The following ARSF variants were observed in gnomAD, a reference collection of about 807,000 sequenced individuals.
ARSF encodes arylsulfatase F.
Under a neutral mutation model 35.4 loss-of-function variants are expected in ARSF, and 33 were observed. The observed-to-expected ratio is 0.93, with a 90% CI of 0.71 to 1.25. The LOEUF is 1.25. ARSF is among the 50% of genes most tolerant of loss of function. The pLI is 0.00. For missense variants in ARSF, 501 were observed against 480.2 expected, an observed-to-expected ratio of 1.04 and a Z score of -0.40; for synonymous variants, 222 against 193.1, an observed-to-expected ratio of 1.15 and a Z score of -1.24.
At chrX:3,089,751 C>G (rs2090275809) in intron 7 of ARSF, 119 bp downstream of exon 7, 3 of 798,374 alleles carry the variant, frequency 3.8e-6, no homozygotes, top group Non-Finnish European at 5.4e-6. Flanking sequence ...ACAGAGTGGT[C>G]TGAGACATTA....
intron 1 of ARSF, among the ~76,000 whole-genome samples, chrX:3,044,826 C>T (rs1271217411): frequency 9.1e-6 from 1 of 109,447 alleles, no homozygotes; most frequent in Non-Finnish European, 1.9e-5. Context: ...GGGGGCAGGG[C>T]AGGCCAAAAA....
intron 1 of ARSF, among the ~76,000 whole-genome samples, chrX:3,061,519 A>G (rs1412631292): frequency 9.0e-6 from 1 of 111,692 alleles, no homozygotes; most frequent in Non-Finnish European, 1.9e-5. Flanking sequence ...AATTGGATAG[A>G]GTCAAGACCC....
At chrX:3,074,935 A>C (rs73635396) in intron 3 of ARSF, among the ~76,000 whole-genome samples, 1 of 111,739 alleles carries the variant, frequency 8.9e-6, no homozygotes, top group African/African-American at 3.2e-5. Context: ...CATAAGTGAG[A>C]TCATGCGGTA....
chrX:3,097,898 C>T (rs1173775253), intron 7 of ARSF, among the ~76,000 whole-genome samples: 8 of 110,313 alleles, frequency 7.3e-5, no homozygotes, highest in Admixed American at 5.9e-4. Context: ...GGTGTGGTGG[C>T]GCATGCCTGC....
intron 1 of ARSF, among the ~76,000 whole-genome samples, chrX:3,067,153 T>C (rs992730737): frequency 8.4e-5 from 9 of 106,899 alleles, no homozygotes; most frequent in Middle Eastern, 4.7e-3. Context: ...TGTGTGTGAG[T>C]GTGCGTGCGT....
At chrX:3,109,822 T>C (rs997042493) in intron 9 of ARSF, among the ~76,000 whole-genome samples, 2 of 112,536 alleles carry the variant, frequency 1.8e-5, no homozygotes, top group Non-Finnish European at 3.7e-5. Context: ...ATTTATGAAA[T>C]TGCCATAAAT....
intron 6 of ARSF, among the ~76,000 whole-genome samples, chrX:3,085,360 AAT>A (rs1007489535): frequency 2.5e-4 from 26 of 103,460 alleles, no homozygotes; most frequent in African/African-American, 9.0e-4. Context: ...CATATAGATA[AAT>A]ATATATATAT....
At chrX:3,103,231 C>A (rs1054538149) in intron 8 of ARSF, among the ~76,000 whole-genome samples, 5 of 110,706 alleles carry the variant, frequency 4.5e-5, no homozygotes, top group African/African-American at 1.3e-4. Context: ...GAGGGAGGCA[C>A]AGCAGAAAAT....
intron 7 of ARSF, among the ~76,000 whole-genome samples, chrX:3,093,025 C>CCGGG (rs1569144579): frequency 9.9e-5 from 11 of 110,578 alleles, no homozygotes; most frequent in South Asian, 3.8e-4. Flanking sequence ...ACAAACACAT[C>CCGGG]CGTGGTGGCG....
intron 4 of ARSF, among the ~76,000 whole-genome samples, chrX:3,080,047 C>T (rs1250926115): frequency 2.8e-5 from 3 of 105,648 alleles, no homozygotes; most frequent in African/African-American, 1.0e-4. Context: ...GTAGTCTTCG[C>T]TTGTGGGTAC....
chrX:3,068,903 T>C (rs2090084404), intron 2 of ARSF, among the ~76,000 whole-genome samples: 1 of 112,339 alleles, frequency 8.9e-6, no homozygotes, highest in Non-Finnish European at 1.9e-5. Flanking sequence ...GCAAAAAAAT[T>C]GTACTCTTCT....
At position 3,089,689 on chromosome X, in the gene ARSF, C is replaced by T. The variant is rs2090275333; in HGVS notation, c.967+57C>T. ...AACGTGTTCTGATAGGACAGGACAC[C>T]TGAAAACTGCTCTTGGTCAACCTGT... On this transcript the variant is annotated intron_variant, in intron 7 of 10. Transcript: ENST00000381127. 3.5e-6 allele frequency: 4 copies of T among 1,157,011 alleles called. No homozygotes were observed. The Admixed American group carries it at 6.6e-5, about 19-fold the overall frequency.
At chrX:3,060,724 A>G (rs904845962) in intron 1 of ARSF, among the ~76,000 whole-genome samples, 1 of 111,817 alleles carries the variant, frequency 8.9e-6, no homozygotes, top group African/African-American at 3.2e-5. Flanking sequence ...GTGATTGAAG[A>G]TCAAATGAAT....
At chrX:3,091,535 G>T (rs1049699325) in intron 7 of ARSF, among the ~76,000 whole-genome samples, 3 of 112,756 alleles carry the variant, frequency 2.7e-5, no homozygotes, top group African/African-American at 9.7e-5. Flanking sequence ...CAGATATTGT[G>T]AAATATATGT....
chrX:3,047,988 C>A (rs2089982380), intron 1 of ARSF, among the ~76,000 whole-genome samples: 1 of 110,644 alleles, frequency 9.0e-6, no homozygotes. Flanking sequence ...AGAAAGAGAG[C>A]CAAGCGAAAG....
At chrX:3,053,871 C>T (rs2090006666) in intron 1 of ARSF, among the ~76,000 whole-genome samples, 1 of 106,020 alleles carries the variant, frequency 9.4e-6, no homozygotes, top group Admixed American at 1.0e-4. Context: ...AAGCGATTTT[C>T]CTGCCTCAGC....
rs1052862516 is a variant in ARSF, at chrX:3,069,511, GA to G, written c.11+1401del. Among the ~76,000 whole-genome samples the G allele has an allele frequency of 2.7e-5, 3 of 109,582 alleles. No individual in the cohort carries two copies. In the Admixed American group the frequency reaches 3.0e-4, roughly 11 times the overall value. On this transcript the variant is annotated intron_variant, in intron 2 of 10. Transcript: ENST00000381127. ...GTTCATTTTTACATTTTTTTGTAGG[GA>G]TGGGGTCTCACTATGTTACCCAGGC...
intron 7 of ARSF, among the ~76,000 whole-genome samples, chrX:3,091,952 CAG>C (rs1219336382): frequency 1.8e-5 from 2 of 110,157 alleles, no homozygotes; most frequent in South Asian, 7.8e-4. Context: ...TGATAGATGA[CAG>C]AGAGACAGAT....
chrX:3,074,710 T>C (rs1458417428), intron 3 of ARSF, among the ~76,000 whole-genome samples: 1 of 111,443 alleles, frequency 9.0e-6, no homozygotes, highest in African/African-American at 3.3e-5. Flanking sequence ...ATTTCAAGAA[T>C]AGAATACATT....
Sources: gnomAD v4.1 joint callset for allele counts (sites outside exome capture counted in the v4.1 genomes callset) on GRCh38, gnomAD v4.1.1 for gene constraint, MANE v1.5 for transcripts, NCBI Gene and HGNC (gene_info 2026-07-23, HGNC 2026-07-21) for gene names.